The following THADA variants were observed in gnomAD, a reference collection of about 807,000 sequenced individuals.
THADA encodes the protein THADA armadillo repeat containing.
THADA carries 213 observed loss-of-function variants against 219.8 expected under a neutral mutation model. That is an observed-to-expected ratio of 0.97 (90% CI 0.87 to 1.09). The LOEUF is 1.09. Ranked by LOEUF, THADA falls within the 50% of genes least tolerant of loss-of-function variation. THADA has a pLI of 0.00. For synonymous variants in THADA, 1,018 were observed against 828.9 expected (o/e 1.23, Z -3.92); for missense variants, 2,956 against 2,311.3 (o/e 1.28, Z -5.72).
chr2:43,311,198 CACTT>C lies in THADA; in HGVS notation c.4438+9244_4438+9247del, dbSNP rs974854641. ...TCTCAAAAAAAAAAAAGAGACAACT[CACTT>C]AAAAATGCGCAAAGGATCTGAAGAG... On this transcript the variant is annotated intron_variant, in intron 31 of 37. Transcript: ENST00000405975. 2.0e-4 allele frequency among the ~76,000 whole-genome samples: 31 copies of C among 151,926 alleles called. 1 individual carries two copies. In the South Asian group the frequency reaches 5.0e-3, roughly 24 times the overall value.
At chr2:43,383,544 T>C (rs1236691520) in intron 29 of THADA, among the ~76,000 whole-genome samples, 1 of 152,212 alleles carries the variant, frequency 6.6e-6, no homozygotes, top group African/African-American at 2.4e-5. Flanking sequence ...AGCTACTAGC[T>C]GGGAGCCCCA....
chr2:43,499,695 C>T (rs978862903), intron 24 of THADA, among the ~76,000 whole-genome samples: 10 of 151,866 alleles, frequency 6.6e-5, no homozygotes, highest in African/African-American at 9.7e-5. Flanking sequence ...TGCTTAAAAT[C>T]GGCACATTTT....
At chr2:43,282,056 C>T (rs1673426753) in intron 35 of THADA, among the ~76,000 whole-genome samples, 1 of 152,218 alleles carries the variant, frequency 6.6e-6, no homozygotes, top group African/African-American at 2.4e-5. Flanking sequence ...AGGCATGAGT[C>T]ACTGCACCTA....
intron 9 of THADA, among the ~76,000 whole-genome samples, chr2:43,577,955 A>G (rs73925549): frequency 0.029 from 4,464 of 152,242 alleles, 213 homozygotes; most frequent in African/African-American, 0.1. Flanking sequence ...AAAAGAAACT[A>G]AAAGAATGTA....
intron 29 of THADA, among the ~76,000 whole-genome samples, chr2:43,360,072 T>C (rs1669335179): frequency 6.6e-6 from 1 of 152,102 alleles, no homozygotes; most frequent in African/African-American, 2.4e-5. Context: ...ATTACAAAGA[T>C]TTCATATTAT....
At chr2:43,273,338 T>C (rs890569254) in intron 36 of THADA, among the ~76,000 whole-genome samples, 1 of 152,092 alleles carries the variant, frequency 6.6e-6, no homozygotes, top group African/African-American at 2.4e-5. Flanking sequence ...AAGAGGAATT[T>C]AGGCCAGGCT....
chr2:43,394,943 T>A (rs1274211747), intron 29 of THADA, among the ~76,000 whole-genome samples: 1 of 152,198 alleles, frequency 6.6e-6, no homozygotes, highest in African/African-American at 2.4e-5. Flanking sequence ...GTTCTAGGGT[T>A]TTAACCTTTC....
chr2:43,518,746 T>C (rs1331975178), intron 22 of THADA, among the ~76,000 whole-genome samples: 1 of 152,196 alleles, frequency 6.6e-6, no homozygotes, highest in Non-Finnish European at 1.5e-5. Context: ...TCTAGGCCCA[T>C]AGCTTCATCT....
At chr2:43,481,148 C>G (rs921381010) in intron 26 of THADA, among the ~76,000 whole-genome samples, 1 of 152,190 alleles carries the variant, frequency 6.6e-6, no homozygotes, top group Admixed American at 6.5e-5. Context: ...TCTATAAGCA[C>G]GATGCTGGAC....
chr2:43,268,436 G>A (rs1021690773), intron 36 of THADA, among the ~76,000 whole-genome samples: 7 of 152,090 alleles, frequency 4.6e-5, no homozygotes, highest in Admixed American at 1.3e-4. Flanking sequence ...GTACTGGCCC[G>A]CCACCACCAG....
chr2:43,494,987 A>G (rs1449866259), intron 25 of THADA, among the ~76,000 whole-genome samples: 1 of 152,242 alleles, frequency 6.6e-6, no homozygotes. Flanking sequence ...ACTTATCAGG[A>G]AAAACAATCA....
intron 26 of THADA, among the ~76,000 whole-genome samples, chr2:43,467,761 A>G (rs1342892934): frequency 1.3e-5 from 2 of 152,174 alleles, no homozygotes; most frequent in African/African-American, 4.8e-5. Flanking sequence ...TAAAAATTTC[A>G]ACAAAATTAT....
chr2:43,261,700 A>C (rs1572820624), intron 36 of THADA, among the ~76,000 whole-genome samples: 2 of 146,508 alleles, frequency 1.4e-5, no homozygotes, highest in African/African-American at 5.1e-5. Context: ...AAATGGCATG[A>C]TCTCGGCTCA....
At chr2:43,500,484 A>C (rs1558863063) in intron 24 of THADA, among the ~76,000 whole-genome samples, 1 of 152,362 alleles carries the variant, frequency 6.6e-6, no homozygotes. Context: ...TCTCACTCAC[A>C]AAACCAGTGA....
At chr2:43,440,046 T>C (rs1680647120) in intron 26 of THADA, among the ~76,000 whole-genome samples, 1 of 152,172 alleles carries the variant, frequency 6.6e-6, no homozygotes, top group South Asian at 2.1e-4. Context: ...AAAGTAAAAA[T>C]GCAAATGTTA....
intron 7 of THADA, 118 bp downstream of exon 7, chr2:43,586,283 A>G (rs1365449441): frequency 2.4e-6 from 2 of 851,042 alleles, no homozygotes; most frequent in East Asian, 2.9e-5. Context: ...TATAAAAGTG[A>G]TAATATTAAT....
intron 4 of THADA, among the ~76,000 whole-genome samples, chr2:43,589,059 G>A (rs1187859778): frequency 6.6e-6 from 1 of 152,090 alleles, no homozygotes; most frequent in South Asian, 2.1e-4. Flanking sequence ...ATGGAAAACA[G>A]TATGACAGTT....
At chr2:43,441,523 A>G (rs537935497) in intron 26 of THADA, among the ~76,000 whole-genome samples, 3 of 152,348 alleles carry the variant, frequency 2.0e-5, no homozygotes, top group African/African-American at 7.2e-5. Flanking sequence ...GCTTATCCAA[A>G]CTTCACTCAC....
chr2:43,496,533 T>A (rs997835847), intron 25 of THADA, among the ~76,000 whole-genome samples: 1 of 152,160 alleles, frequency 6.6e-6, no homozygotes, highest in Non-Finnish European at 1.5e-5. Flanking sequence ...GTCCACAGCA[T>A]CCAAAATACA....
Sources: allele counts gnomAD v4.1 joint callset (sites outside exome capture counted in the v4.1 genomes callset), GRCh38; gene constraint gnomAD v4.1.1; transcripts MANE v1.5; gene names NCBI Gene and HGNC (gene_info 2026-07-23, HGNC 2026-07-21).